Variants in CAPS2 observed in about 807,000 individuals in gnomAD.
CAPS2 encodes the protein calcyphosin-2.
A neutral mutation model predicts 86.5 loss-of-function variants in CAPS2; 98 were observed. That is an observed-to-expected ratio of 1.13 (90% CI 0.96 to 1.34). The LOEUF is 1.34. Ranked by LOEUF, CAPS2 falls within the 40% of genes most tolerant of loss-of-function variation. The probability of loss-of-function intolerance (pLI) is 0.00; values close to 1 mark genes in which losing one functional copy is unlikely to be tolerated. For missense variants in CAPS2, 729 were observed against 686.8 expected, an observed-to-expected ratio of 1.06 and a Z score of -0.69; for synonymous variants, 210 against 225.1, an observed-to-expected ratio of 0.93 and a Z score of 0.60.
intron 1 of CAPS2, among the ~76,000 whole-genome samples, chr12:75,338,549 GT>G (rs1475003374): frequency 2.0e-5 from 3 of 150,858 alleles, no homozygotes; most frequent in African/African-American, 4.9e-5. Flanking sequence ...TTTAATAATA[GT>G]TTTGGGGAAA....
chr12:75,316,546 G>T (rs886334554), intron 5 of CAPS2, 112 bp from the exon 6 acceptor site: 11 of 987,444 alleles, frequency 1.1e-5, no homozygotes, highest in Non-Finnish European at 1.5e-5. Context: ...TTGTACAACA[G>T]TTAAAAGTAC....
chr12:75,279,562 T>A (rs1475633707), intron 16 of CAPS2, among the ~76,000 whole-genome samples: 1 of 150,904 alleles, frequency 6.6e-6, no homozygotes, highest in Non-Finnish European at 1.5e-5. Flanking sequence ...GAGAGTTAAT[T>A]TTTTTTCCCT....
At chr12:75,366,779 G>T in intron 1 of CAPS2, 1 of 674,892 alleles carries the variant, frequency 1.5e-6, no homozygotes, top group Non-Finnish European at 2.7e-6. Context: ...ATGTGTCTCA[G>T]TTTCTCTCTT....
chr12:75,282,190 G>A (rs766691480), intron 16 of CAPS2, 61 bp downstream of exon 16: 1 of 925,332 alleles, frequency 1.1e-6, no homozygotes, highest in Non-Finnish European at 1.8e-6. Context: ...TTAATATAAA[G>A]ATATTATCTT....
At chr12:75,285,126 G>A (rs747267453) in intron 14 of CAPS2, 46 bp from the exon 15 acceptor site, 12 of 1,576,098 alleles carry the variant, frequency 7.6e-6, no homozygotes, top group South Asian at 2.3e-5. Flanking sequence ...GTTACATATC[G>A]TCACAACAAA....
rs1231616270 is a variant in CAPS2 at position 75,289,776 on chromosome 12, C to G, written c.1241-1G>C. On this transcript the variant is annotated splice_acceptor_variant, in intron 13 of 16. Coordinates refer to ENST00000393284, the Ensembl canonical transcript of CAPS2. LOFTEE classifies it high-confidence loss of function. ...TTATGTAGTTTTTCTTTTAGCACATCTGTTCAACAAGAAGAGAGATGAAAA... is the reference window on the plus strand; with the variant it reads ...TTATGTAGTTTTTCTTTTAGCACATGTGTTCAACAAGAAGAGAGATGAAAA... The G allele has an allele frequency of 6.2e-7, 1 of 1,607,502 alleles. No homozygotes were observed. The highest frequency in any genetic ancestry group is 2.2e-5 in the East Asian group (1 of 44,714).
At position 75,363,142 on chromosome 12, in the gene CAPS2, T is replaced by A. The variant is rs779286766; in HGVS notation, c.-395+27696A>T. ...TATGCCTCCTTACGTAAGAGGAGAA[T>A]CTTGCTCTCTCTGCTCAAAAGAAGA... On this transcript the variant is annotated intron_variant, in intron 1 of 5. Coordinates refer to the CAPS2 transcript ENST00000551829. 2.6e-6 allele frequency: 4 copies of A among 1,557,296 alleles called. No individual in the cohort carries two copies. The South Asian group carries it at 5.1e-5, about 20-fold the overall frequency.
rs549697691 is a variant in CAPS2 at position 75,362,806 on chromosome 12, T to A, written c.-395+28032A>T. ...TTTCATGTACAAAATGAAGAAATAATCATACTATCTATGACAAAAACTTTG... is the reference window on the plus strand; with the variant it reads ...TTTCATGTACAAAATGAAGAAATAAACATACTATCTATGACAAAAACTTTG... On this transcript the variant is annotated intron_variant, in intron 1 of 5. Coordinates refer to the CAPS2 transcript ENST00000551829. 1.1e-4 allele frequency among the ~76,000 whole-genome samples: 17 copies of A among 152,290 alleles called. No homozygotes were observed. In the South Asian group the frequency reaches 3.5e-3, roughly 32 times the overall value.
chr12:75,289,861 G>A, intron 13 of CAPS2, 86 bp from the exon 14 acceptor site: 1 of 973,954 alleles, frequency 1.0e-6, no homozygotes. Flanking sequence ...GAAAATTAAA[G>A]TTGATGTAAC....
intron 1 of CAPS2, among the ~76,000 whole-genome samples, chr12:75,359,547 T>C (rs1002463250): frequency 6.6e-6 from 1 of 151,814 alleles, no homozygotes; most frequent in African/African-American, 2.4e-5. Context: ...CTAATACTAT[T>C]GTTTTCAAGT....
At chr12:75,279,097 C>T (rs1451375963) in intron 16 of CAPS2, 32 bp from the exon 17 acceptor site, 3 of 1,449,044 alleles carry the variant, frequency 2.1e-6, no homozygotes, top group Non-Finnish European at 2.7e-6. Context: ...GAAACAGTTT[C>T]CTGAAAAGTT....
chr12:75,341,034 A>T (rs1346272098), intron 1 of CAPS2, among the ~76,000 whole-genome samples: 1 of 152,146 alleles, frequency 6.6e-6, no homozygotes, highest in East Asian at 1.9e-4. Context: ...TTCTTACAAA[A>T]AAAAAAAGAA....
At chr12:75,295,795 G>A (rs2036776755) in intron 11 of CAPS2, among the ~76,000 whole-genome samples, 1 of 152,144 alleles carries the variant, frequency 6.6e-6, no homozygotes, top group Non-Finnish European at 1.5e-5. Flanking sequence ...AACAGAGAAG[G>A]TATGTTCAGA....
At chr12:75,350,916 A>C (rs1297745796) in intron 1 of CAPS2, among the ~76,000 whole-genome samples, 1 of 152,224 alleles carries the variant, frequency 6.6e-6, no homozygotes, top group Non-Finnish European at 1.5e-5. Flanking sequence ...AAAGGAGTAT[A>C]TTCTAACACA....
chr12:75,383,848 A>C (rs1199652263), intron 1 of CAPS2, among the ~76,000 whole-genome samples: 3 of 152,190 alleles, frequency 2.0e-5, no homozygotes, highest in Admixed American at 2.0e-4. Context: ...CTAGTAATTG[A>C]ACTAGAAATC....
At chr12:75,344,309 G>A (rs1037427037) in intron 1 of CAPS2, among the ~76,000 whole-genome samples, 1 of 151,890 alleles carries the variant, frequency 6.6e-6, no homozygotes, top group Non-Finnish European at 1.5e-5. Flanking sequence ...TGATGCTCTT[G>A]TCTTTTTTCT....
At chr12:75,375,682 C>G (rs2044612684) in intron 1 of CAPS2, among the ~76,000 whole-genome samples, 1 of 152,180 alleles carries the variant, frequency 6.6e-6, no homozygotes, top group Non-Finnish European at 1.5e-5. Context: ...AGTAACAATG[C>G]TGTAGGCTTC....
At chr12:75,389,219 CTGTAT>C (rs2045447381) in intron 1 of CAPS2, among the ~76,000 whole-genome samples, 1 of 152,154 alleles carries the variant, frequency 6.6e-6, no homozygotes, top group African/African-American at 2.4e-5. Flanking sequence ...ATTCACCACT[CTGTAT>C]TGTAACTGTT....
chr12:75,365,512 A>C (rs1035971523), intron 1 of CAPS2, among the ~76,000 whole-genome samples: 3 of 152,170 alleles, frequency 2.0e-5, no homozygotes, highest in Admixed American at 1.3e-4. Context: ...CCTTTGAATG[A>C]AACAAACATT....
Sources: allele counts gnomAD v4.1 joint callset (sites outside exome capture counted in the v4.1 genomes callset), GRCh38; gene constraint gnomAD v4.1.1; transcripts MANE v1.5; gene names NCBI Gene and HGNC (gene_info 2026-07-23, HGNC 2026-07-21).